HYOU1: variants seen among roughly 807,000 people sequenced by gnomAD.
HYOU1 encodes the protein hypoxia up-regulated 1.
In HYOU1, 40 loss-of-function variants were observed where a neutral mutation model predicts 120.5. The ratio of observed to expected loss-of-function variants is 0.33; its 90% CI spans 0.26 to 0.43. The LOEUF (loss-of-function observed/expected upper bound fraction) is 0.43. HYOU1 is among the 20% of genes least tolerant of loss of function. HYOU1 has a pLI of 1.00. For missense variants in HYOU1, 1,085 were observed against 1,278.3 expected (o/e 0.85, Z 2.31); for synonymous variants, 501 against 479.4 (o/e 1.05, Z -0.59).
chr11:119,057,165 T>C lies in HYOU1; in HGVS notation c.-153A>G, dbSNP rs2133620246. 6.6e-6 allele frequency: 1 copy of C among 151,210 alleles called. No homozygotes were observed. Among genetic ancestry groups the C allele is most frequent in the Non-Finnish European group, 1.5e-5 (1 of 67,782 alleles). The allele number at this position is 151,210 out of a possible 1,614,324, so 9.4% of individuals were successfully genotyped here. ...ATTAGCCACCAACCTCTCGGCGGCG[T>C]CTCGCGCACCAGCCGGCCCCGGACG... On this transcript the variant is annotated 5_prime_UTR_variant, in exon 1 of 26. Coordinates refer to ENST00000617285, the MANE Select transcript of HYOU1 (RefSeq NM_006389.5).
At position 119,057,200 on chromosome 11, in the gene HYOU1, C is replaced by T. The variant is rs2133620561; in HGVS notation, c.-188G>A. ...CAGCCGGCCCCGGACGCGGCGCGCG[C>T]TCATTGGAGCCTCGGCCGCCCGGCC... On this transcript the variant is annotated 5_prime_UTR_variant, in exon 1 of 26. Coordinates refer to ENST00000617285, the MANE Select transcript of HYOU1 (RefSeq NM_006389.5). 4.8e-4 allele frequency: 72 copies of T among 151,066 alleles called. No individual in the cohort carries two copies. Among genetic ancestry groups the T allele is most frequent in the African/African-American group, 1.6e-3 (66 of 41,304 alleles). The allele number at this position is 151,066 out of a possible 1,614,324, so 9.4% of individuals were successfully genotyped here. A position where few individuals can be genotyped will look rare whatever the true frequency, so the allele number is the denominator to read the frequency against.
At chr11:119,056,900 C>A (rs970460955) in intron 1 of HYOU1, 120 bp downstream of exon 1, 1 of 155,028 alleles carries the variant, frequency 6.5e-6, no homozygotes, top group Admixed American at 6.4e-5. Context: ...CCCCCCGGTG[C>A]GAGGCCGAGC....
intron 1 of HYOU1, 148 bp from the exon 2 acceptor site, chr11:119,056,315 C>G (rs1293911931): frequency 1.4e-6 from 1 of 701,674 alleles, no homozygotes; most frequent in African/African-American, 1.7e-5. Context: ...CTTCTCCCTC[C>G]TGATGGGTAC....
rs2133560219 is a variant in HYOU1, at chr11:119,048,000, G to A, written c.2457C>T (p.Pro819=). 5.5e-5 allele frequency: 88 copies of A among 1,614,038 alleles called. No homozygotes were observed. Among genetic ancestry groups the A allele is most frequent in the Non-Finnish European group, 6.9e-5 (81 of 1,180,036 alleles). The part of the protein sequence containing the change: ...FFRVEERKKW[P]ERLSALDNLL... ...GATTATCGAGGGCAGACAGCCGTTC[G>A]GGCCACTTCTTGCGCTCCTCTACCC... Residue 819 remains proline, a synonymous_variant, in exon 21 of 26, where the codon CCC becomes CCT. Coordinates refer to ENST00000617285, the MANE Select transcript of HYOU1 (RefSeq NM_006389.5).
rs2133552216 is a variant in HYOU1 at position 119,046,673 on chromosome 11, C to G, written c.2725G>C (p.Ala909Pro). The part of the protein sequence containing the change: ...DREVQYLLNK[A>P]KFTKPRPRPK... ...CGGGGCCGGGGCTTGGTAAACTTGG[C>G]CTTATTGAGCAGATACTGCACCTCT... is the stretch of plus-strand genomic sequence containing the variant. The change falls in exon 23 of 26, where the codon GCC (alanine) becomes CCC (proline). Residue 909 changes from alanine to proline, a missense_variant. This residue lies in a region of HYOU1 where 516 missense variants were observed against 517.1 expected (regional missense o/e 1.00). Coordinates refer to ENST00000617285, the MANE Select transcript of HYOU1 (RefSeq NM_006389.5). The G allele has an allele frequency of 1.9e-6, 3 of 1,614,094 alleles. No homozygotes were observed. In the East Asian group the frequency reaches 6.7e-5, roughly 36 times the overall value.
chr11:119,046,364 ACCCCTGGGCTAATGCAACAT>A, intron 24 of HYOU1, 33 bp downstream of exon 24: 1 of 1,570,078 alleles, frequency 6.4e-7, no homozygotes, highest in Non-Finnish European at 8.7e-7. Flanking sequence ...CAGTTTGCCT[ACCCCTGGGCTAATGCAACAT>A]CCACGTGCTC....
In HYOU1 at chr11:119,045,351, T is replaced by C. The variant is rs1943997751; in HGVS notation, c.*242A>G. 1.1e-5 allele frequency: 7 copies of C among 662,778 alleles called. No individual in the cohort carries two copies. In the Admixed American group the frequency reaches 1.3e-4, roughly 12 times the overall value. 41.1% of individuals were successfully genotyped at this position (662,778 alleles called of 1,614,324 possible). A position where few individuals can be genotyped will look rare whatever the true frequency, so the allele number is the denominator to read the frequency against. On this transcript the variant is annotated 3_prime_UTR_variant, in exon 26 of 26. Transcript: ENST00000617285. ...ATTTTTCCCAAATTTAGGGCCTATATGGGTAGGGAACAGGGAGTGGGGCTG... is the reference window on the plus strand; with the variant it reads ...ATTTTTCCCAAATTTAGGGCCTATACGGGTAGGGAACAGGGAGTGGGGCTG...
At position 119,046,471 on chromosome 11, in the gene HYOU1, G is replaced by A. The variant is rs2133550058; in HGVS notation, c.2837-4C>T. On this transcript the variant is annotated splice_polypyrimidine_tract_variant and splice_region_variant and intron_variant, in intron 23 of 25. Transcript: ENST00000617285. ...GGCTCTGCATCTTCAGTCTGGCCTA[G>A]AAGGAAACCAGGGGTAAGACATAGC... 1 of 1,614,126 alleles carries A rather than the reference G, an allele frequency of 6.2e-7. No individual in the cohort carries two copies. Among genetic ancestry groups the A allele is most frequent in the Non-Finnish European group, 8.5e-7 (1 of 1,180,026 alleles).
At position 119,054,602 on chromosome 11, in the gene HYOU1, C is replaced by T. The variant is rs1944640748; in HGVS notation, c.570G>A (p.Gln190=). Residue 190 remains glutamine, a synonymous_variant, in exon 7 of 26, where the codon CAG becomes CAA. Transcript: ENST00000617285. The stretch of plus-strand genomic sequence containing the variant: ...CTTTGAGGCCAGCCATACGAGCAGC[C>T]TGCAGCACAGCTCGGCGCTCGGCCT... The part of the protein sequence containing the change: ...FNQAERRAVL[Q]AARMAGLKVL... The T allele has an allele frequency of 1.2e-6, 2 of 1,614,050 alleles. No homozygotes were observed. The highest frequency in any genetic ancestry group is 1.7e-5 in the Admixed American group (1 of 60,012).
At position 119,055,200 on chromosome 11, in the gene HYOU1, T is replaced by C; in HGVS notation, c.404A>G (p.His135Arg). 6.2e-7 allele frequency: 1 copy of C among 1,613,982 alleles called. No individual in the cohort carries two copies. Among genetic ancestry groups the C allele is most frequent in the Non-Finnish European group, 8.5e-7 (1 of 1,179,906 alleles). Residue 135 changes from histidine (H) to arginine (R), a missense_variant, in exon 5 of 26, where the codon CAC (histidine) becomes CGC (arginine). Physicochemically the swap from His to Arg is conservative, Grantham distance 29 (BLOSUM62 0). Coordinates refer to ENST00000617285, the MANE Select transcript of HYOU1 (RefSeq NM_006389.5). The surrounding 1 kb of genome is among the most constrained non-coding windows in gnomAD (Gnocchi z 4.0). ...GAGCACTCACGAGCTGATCTGAAAG[T>C]GCACAGTCTGCCTCTGTGGGTCGAA... The part of the protein sequence containing the change: ...LTFDPQRQTV[H>R]FQISSQLQFS...
chr11:119,054,916 C>T lies in HYOU1; in HGVS notation c.496+68G>A, dbSNP rs1283546095. On this transcript the variant is annotated intron_variant, in intron 6 of 25. Transcript: ENST00000617285. ...ATGTTCCCTGGGAGGCAAACTTGCC[C>T]CTGTTGGAGAATCACTGCCCTAGAT... 1.5e-5 allele frequency: 23 copies of T among 1,504,114 alleles called. No individual in the cohort carries two copies. The Admixed American group carries it at 4.2e-4, about 27-fold the overall frequency. 93.2% of individuals were successfully genotyped at this position (1,504,114 alleles called of 1,614,324 possible). A position where few individuals can be genotyped will look rare whatever the true frequency, so the allele number is the denominator to read the frequency against.
intron 22 of HYOU1, 144 bp downstream of exon 22, chr11:119,047,590 G>T: frequency 1.4e-6 from 1 of 707,956 alleles, no homozygotes. Context: ...CTAATCAGAG[G>T]TGGGCTCAAA....
Position 119,048,479 on chromosome 11 carries a change from G to A in HYOU1, c.2250C>T (p.Thr750=), listed in dbSNP as rs2133564702. The A allele has an allele frequency of 6.2e-7, 1 of 1,613,862 alleles. No homozygotes were observed. Among genetic ancestry groups the A allele is most frequent in the Non-Finnish European group, 8.5e-7 (1 of 1,179,946 alleles). The change falls in exon 19 of 26, where the codon ACC becomes ACT. Residue 750 remains threonine (T), a synonymous_variant. Coordinates refer to ENST00000617285, the MANE Select transcript of HYOU1 (RefSeq NM_006389.5). The surrounding 1 kb of genome is among the most constrained non-coding windows in gnomAD (Gnocchi z 4.7). ...ANSLEAFIFE[T]QDKLYQPEYQ... is the part of the protein sequence containing the mutation. ...CTGCTGCCTCCTGCCCACTGACCTG[G>A]GTCTCAAATATGAATGCTTCCAAGC...
At position 119,057,194 on chromosome 11, in the gene HYOU1, C is replaced by CGG. The variant is rs1213192810; in HGVS notation, c.-183_-182insCC. 2 of 151,198 alleles carry CGG rather than the reference C, an allele frequency of 1.3e-5. No individual in the cohort carries two copies. The highest frequency in any genetic ancestry group is 4.8e-5 in the African/African-American group (2 of 41,268). The allele number at this position is 151,198 out of a possible 1,614,324, so 9.4% of individuals were successfully genotyped here. On this transcript the variant is annotated 5_prime_UTR_variant, in exon 1 of 26. It introduces an in-frame stop codon into an upstream open reading frame of the 5' UTR. Coordinates refer to ENST00000617285, the MANE Select transcript of HYOU1 (RefSeq NM_006389.5). ...GCGCACCAGCCGGCCCCGGACGCGG[C>CGG]GCGCGCTCATTGGAGCCTCGGCCGC...
Position 119,048,055 on chromosome 11 carries a change from A to G in HYOU1, c.2402T>C (p.Leu801Pro), listed in dbSNP as rs1944190609. ...AAACAGCCCTTGGCACAGCTTCCTCAGCTCAGCCAGCTTCTCCTTCAACAT... is the reference window on the plus strand; with the variant it reads ...AAACAGCCCTTGGCACAGCTTCCTCGGCTCAGCCAGCTTCTCCTTCAACAT... Reference protein sequence around the residue: ...TVMLKEKLAELRKLCQGLFFR... With the variant: ...TVMLKEKLAEPRKLCQGLFFR... Residue 801 changes from leucine to proline, a missense_variant, in exon 21 of 26, where the codon CTG becomes CCG. Physicochemically the swap from Leu to Pro is moderately conservative, Grantham distance 98. Transcript: ENST00000617285. The surrounding 1 kb of genome is among the most constrained non-coding windows in gnomAD (Gnocchi z 4.7). The G allele has an allele frequency of 1.9e-6, 3 of 1,614,082 alleles. No homozygotes were observed. In the Admixed American group the frequency reaches 5.0e-5, roughly 27 times the overall value.
chr11:119,049,174 G>C lies in HYOU1; in HGVS notation c.1836C>G (p.Ser612Arg). The C allele has an allele frequency of 6.2e-7, 1 of 1,608,310 alleles. No individual in the cohort carries two copies. The highest frequency in any genetic ancestry group is 1.3e-5 in the African/African-American group (1 of 74,824). Residue 612 changes from serine to arginine, a missense_variant, in exon 17 of 26, where the codon AGC becomes AGG. By Grantham distance (110) the Ser-to-Arg change is moderately radical. Transcript: ENST00000617285. ...QEEEESPAEG[S>R]KDEPGEQVEL... ...CCACCTGCTCCCCAGGCTCGTCCTT[G>C]CTCCCCTCTGCAGGGCTCTCCTCTT... is the stretch of plus-strand genomic sequence containing the variant.
Position 119,054,682 on chromosome 11 carries a change from A to G in HYOU1, c.497-7T>C, listed in dbSNP as rs1018866931. ...GCATCCTTGATGGGCTGCTCTACAG[A>G]TGACAACAGAAAAGGGTCCCGCCGG... is the stretch of plus-strand genomic sequence containing the variant. On this transcript the variant is annotated splice_polypyrimidine_tract_variant and splice_region_variant and intron_variant, in intron 6 of 25. Transcript: ENST00000617285. 1.2e-6 allele frequency: 2 copies of G among 1,608,764 alleles called. No homozygotes were observed. Among genetic ancestry groups the G allele is most frequent in the African/African-American group, 1.3e-5 (1 of 74,850 alleles).
At position 119,046,761 on chromosome 11, in the gene HYOU1, G is replaced by C. The variant is rs148717311; in HGVS notation, c.2637C>G (p.Pro879=). ...NATLAEQAKL[P]ATEKPVLLSK... Reference sequence around the variant, plus strand: ...AGAGCAACACAGGCTTCTCTGTGGCGGGCAGCTTAGCCTGCTCGGCCAGAG... The same window carrying C: ...AGAGCAACACAGGCTTCTCTGTGGCCGGCAGCTTAGCCTGCTCGGCCAGAG... The change falls in exon 23 of 26, where the codon CCC becomes CCG. Residue 879 remains proline, a synonymous_variant. Transcript: ENST00000617285. 1.9e-6 allele frequency: 3 copies of C among 1,603,868 alleles called. No homozygotes were observed. Among genetic ancestry groups the C allele is most frequent in the Non-Finnish European group, 2.5e-6 (3 of 1,179,988 alleles).
In HYOU1 at chr11:119,052,333, G is replaced by A; in HGVS notation, c.1084C>T (p.Pro362Ser). 2 of 1,614,040 alleles carry A rather than the reference G, an allele frequency of 1.2e-6. No individual in the cohort carries two copies. The highest frequency in any genetic ancestry group is 4.5e-5 in the East Asian group (2 of 44,884). Residue 362 changes from proline (P) to serine (S), a missense_variant, in exon 10 of 26, where the codon CCT (proline) becomes TCT (serine). By Grantham distance (74) the Pro-to-Ser change is moderately conservative. Around this residue, in one of 4 missense-constraint regions of HYOU1, gnomAD observed 515 missense variants for 677.8 expected, o/e 0.76. Coordinates refer to ENST00000617285, the MANE Select transcript of HYOU1 (RefSeq NM_006389.5). The surrounding 1 kb of genome is among the most constrained non-coding windows in gnomAD (Gnocchi z 5.0). ...CADLFERVPG[P>S]VQQALQSAEM... ...GCACTCTGGAGGGCCTGCTGTACAG[G>A]CCCAGGCACCCGCTCAAACAAGTCT...
Sources: allele counts gnomAD v4.1 joint callset, GRCh38; gene constraint gnomAD v4.1.1; regional missense constraint gnomAD v4.1.1; non-coding constraint Gnocchi (gnomAD v3.1); transcripts MANE v1.5; gene names NCBI Gene and HGNC (gene_info 2026-07-23, HGNC 2026-07-21).